PCDHA12: variants seen among roughly 807,000 people sequenced by gnomAD.
PCDHA12 encodes the protein protocadherin alpha-12.
Under a neutral mutation model 60.0 loss-of-function variants are expected in PCDHA12, and 44 were observed. The ratio of observed to expected loss-of-function variants is 0.73; its 90% CI spans 0.58 to 0.94. The LOEUF (loss-of-function observed/expected upper bound fraction) is 0.94. Among genes scored for constraint, PCDHA12 ranks in the 40% least tolerant of loss-of-function variants. The pLI, the probability that PCDHA12 is intolerant of heterozygous loss-of-function variation, is 0.00. For missense variants in PCDHA12, 1,276 were observed against 1,239.7 expected, an observed-to-expected ratio of 1.03 and a Z score of -0.44; for synonymous variants, 569 against 553.0, an observed-to-expected ratio of 1.03 and a Z score of -0.40.
At chr5:140,922,107 T>C (rs1250364037) in intron 1 of PCDHA12, among the ~76,000 whole-genome samples, 1 of 152,028 alleles carries the variant, frequency 6.6e-6, no homozygotes, top group East Asian at 1.9e-4. Context: ...TATAGATAAA[T>C]GAAAATTCAC....
rs1451679036 is a variant in PCDHA12, at chr5:140,876,215, A to C, written c.743A>C (p.Lys248Thr). Residue 248 changes from lysine (K) to threonine (T), a missense_variant, in exon 1 of 4, where the codon AAA becomes ACA. Lys to Thr is a moderately conservative substitution (Grantham distance 78, BLOSUM62 -1). Coordinates refer to ENST00000398631, the MANE Select transcript of PCDHA12 (RefSeq NM_018903.4). ...CCGGCGTTTGATAAGCCCAGCTATA[A>C]AGTAGTGTTGTCTGAAAATGTCCAA... ...NGPAFDKPSYKVVLSENVQND... is the reference protein window; with the variant it reads ...NGPAFDKPSYTVVLSENVQND... The C allele has an allele frequency of 1.2e-6, 2 of 1,613,890 alleles. No homozygotes were observed. The highest frequency in any genetic ancestry group is 1.7e-6 in the Non-Finnish European group (2 of 1,179,898).
At chr5:140,949,694 G>C (rs1447787366) in intron 1 of PCDHA12, among the ~76,000 whole-genome samples, 1 of 151,590 alleles carries the variant, frequency 6.6e-6, no homozygotes, top group Non-Finnish European at 1.5e-5. Context: ...CGTATTGTTG[G>C]ATCTTGCTGT....
At chr5:140,901,439 A>G (rs2068668793) in intron 1 of PCDHA12, among the ~76,000 whole-genome samples, 1 of 152,164 alleles carries the variant, frequency 6.6e-6, no homozygotes, top group South Asian at 2.1e-4. Flanking sequence ...ATGGATATCT[A>G]GTTTCCCAGC....
intron 1 of PCDHA12, among the ~76,000 whole-genome samples, chr5:140,912,343 ATTTTT>A (rs35252606): frequency 7.0e-6 from 1 of 143,858 alleles, no homozygotes; most frequent in Non-Finnish European, 1.5e-5. Context: ...TACACTAAGT[ATTTTT>A]TTTTTTTTTT....
intron 1 of PCDHA12, among the ~76,000 whole-genome samples, chr5:140,895,744 G>T (rs534394379): frequency 6.6e-6 from 1 of 152,182 alleles, no homozygotes; most frequent in Admixed American, 6.5e-5. Flanking sequence ...GCTGCAAAGG[G>T]CATGATCTTT....
At chr5:140,989,890 G>A (rs368567650) in intron 3 of PCDHA12, among the ~76,000 whole-genome samples, 5 of 151,974 alleles carry the variant, frequency 3.3e-5, no homozygotes, top group Middle Eastern at 3.4e-3. Context: ...TGGAGTCTCC[G>A]TTATTCACAA....
At chr5:141,007,325 C>G (rs1303133451) in intron 3 of PCDHA12, among the ~76,000 whole-genome samples, 2 of 145,322 alleles carry the variant, frequency 1.4e-5, no homozygotes, top group Non-Finnish European at 3.0e-5. Flanking sequence ...CTAAAGTGGA[C>G]AGATTGCCTG....
chr5:140,913,276 CT>C (rs1468388675), intron 1 of PCDHA12, among the ~76,000 whole-genome samples: 1 of 152,070 alleles, frequency 6.6e-6, no homozygotes, highest in Non-Finnish European at 1.5e-5. Flanking sequence ...TGTTATTGGT[CT>C]GTTTAGGTTT....
rs1310704954 is a variant in PCDHA12, at chr5:141,010,062, A to C, written c.*125A>C. 1.2e-6 allele frequency: 2 copies of C among 1,602,540 alleles called. No homozygotes were observed. The highest frequency in any genetic ancestry group is 1.7e-6 in the Non-Finnish European group (2 of 1,174,354). Reference sequence around the variant, plus strand: ...CCTCTTAGAGACCTCAGAAATCTGCAGAAAGTTCCCTGTGTCTGTCTAGAA... The same window carrying C: ...CCTCTTAGAGACCTCAGAAATCTGCCGAAAGTTCCCTGTGTCTGTCTAGAA... On this transcript the variant is annotated 3_prime_UTR_variant, in exon 4 of 4. Transcript: ENST00000398631.
rs543804071 is a variant in PCDHA12, at chr5:140,951,447, C to T, written c.2368-27502C>T. Among the ~76,000 whole-genome samples the T allele has an allele frequency of 2.2e-4, 34 of 152,004 alleles. No homozygotes were observed. In the South Asian group the frequency reaches 5.8e-3, roughly 26 times the overall value. On this transcript the variant is annotated intron_variant, in intron 1 of 3. Coordinates refer to ENST00000398631, the MANE Select transcript of PCDHA12 (RefSeq NM_018903.4). ...CCACAGGCTGTAGGAAGCATGATGC[C>T]GGCCATCTGCTTGGCTTCTGGGGAG...
At chr5:140,883,834 G>A (rs891069385) in intron 1 of PCDHA12, 1 of 1,612,658 alleles carries the variant, frequency 6.2e-7, no homozygotes, top group Non-Finnish European at 8.5e-7. Context: ...CGCTGCAGCC[G>A]TTGGACCACG....
At chr5:140,882,062 T>G (rs78484684) in intron 1 of PCDHA12, 9 of 812,456 alleles carry the variant, frequency 1.1e-5, no homozygotes, top group Non-Finnish European at 1.5e-5. Flanking sequence ...CACTTACACG[T>G]TCATGCGCAT....
intron 2 of PCDHA12, chr5:140,982,255 G>A (rs1226877967): frequency 1.6e-5 from 13 of 791,614 alleles, no homozygotes; most frequent in South Asian, 1.3e-4. Context: ...GATAGAACAT[G>A]TGTGTTCCTG....
chr5:140,913,450 T>G (rs2153526628), intron 1 of PCDHA12, among the ~76,000 whole-genome samples: 1 of 152,270 alleles, frequency 6.6e-6, no homozygotes, highest in Middle Eastern at 3.4e-3. Flanking sequence ...TCAGCTCCGA[T>G]TTTATTTACT....
chr5:140,931,314 A>G (rs782684940), intron 1 of PCDHA12, among the ~76,000 whole-genome samples: 3 of 152,176 alleles, frequency 2.0e-5, no homozygotes, highest in Non-Finnish European at 4.4e-5. Context: ...GGAGAATACC[A>G]GTAATGGCTG....
At chr5:140,909,215 AC>A (rs1554193695) in intron 1 of PCDHA12, among the ~76,000 whole-genome samples, 1 of 152,160 alleles carries the variant, frequency 6.6e-6, no homozygotes, top group African/African-American at 2.4e-5. Flanking sequence ...GAGTTGATAT[AC>A]CCCTGAGGTA....
chr5:140,906,438 G>T (rs1264031299), intron 1 of PCDHA12, among the ~76,000 whole-genome samples: 1 of 152,016 alleles, frequency 6.6e-6, no homozygotes, highest in Non-Finnish European at 1.5e-5. Context: ...TGATAAACAA[G>T]AAAGGAAATA....
chr5:140,954,570 T>G (rs2095058412), intron 1 of PCDHA12, among the ~76,000 whole-genome samples: 1 of 152,252 alleles, frequency 6.6e-6, no homozygotes. Context: ...GACTGTCTTC[T>G]TTTCAGAAGT....
chr5:140,926,424 G>A (rs894649962), intron 1 of PCDHA12: 2 of 153,468 alleles, frequency 1.3e-5, no homozygotes, highest in African/African-American at 4.8e-5. Context: ...AGAGGATGTG[G>A]AGGTTAAGAT....
Sources: gnomAD v4.1 joint callset for allele counts (sites outside exome capture counted in the v4.1 genomes callset) on GRCh38, gnomAD v4.1.1 for gene constraint, MANE v1.5 for transcripts, NCBI Gene and HGNC (gene_info 2026-07-23, HGNC 2026-07-21) for gene names.